SH3TC2: variants seen among roughly 807,000 people sequenced by gnomAD.
The protein encoded by SH3TC2 is SH3 domain and tetratricopeptide repeat-containing protein 2.
A neutral mutation model predicts 124.5 loss-of-function variants in SH3TC2; 87 were observed. The observed-to-expected ratio is 0.70, with a 90% CI of 0.59 to 0.84. The LOEUF is 0.84. Among genes scored for constraint, SH3TC2 ranks in the 40% least tolerant of loss-of-function variants. The probability of loss-of-function intolerance (pLI) is 0.00; values close to 1 mark genes in which losing one functional copy is unlikely to be tolerated. For synonymous variants in SH3TC2, 634 were observed against 628.5 expected (o/e 1.01, Z -0.13); for missense variants, 1,536 against 1,566.4 (o/e 0.98, Z 0.33).
chr5:149,012,762 GTGAAGGCTCAAAGGGGC>G, intron 12 of SH3TC2, 28 bp from the exon 13 acceptor site: 1 of 1,613,832 alleles, frequency 6.2e-7, no homozygotes, highest in Non-Finnish European at 8.5e-7. Flanking sequence ...CTTGTGAGGT[GTGAAGGCTCAAAGGGGC>G]CTTAGGGTCC....
chr5:149,044,845 G>A (rs530116422), intron 3 of SH3TC2: 4 of 529,342 alleles, frequency 7.6e-6, no homozygotes, highest in Non-Finnish European at 1.4e-5. Flanking sequence ...ATTGTATTAT[G>A]CAGCCACAGA....
chr5:149,027,693 T>C lies in SH3TC2; in HGVS notation c.2039A>G (p.Tyr680Cys), dbSNP rs763952745. ...AAGGTGTGGAAGATATTTCTTGTCATACAGAAAACTCAAAACACTGGCCAC... is the reference window on the plus strand; with the variant it reads ...AAGGTGTGGAAGATATTTCTTGTCACACAGAAAACTCAAAACACTGGCCAC... ...EAVASVLSFL[Y>C]DKKYLPHLAV... The change falls in exon 11 of 17, where the codon TAT (tyrosine) becomes TGT (cysteine). Residue 680 changes from tyrosine to cysteine, a missense_variant. By Grantham distance (194) the Tyr-to-Cys change is radical. Transcript: ENST00000515425. 12 of 1,614,108 alleles carry C rather than the reference T, an allele frequency of 7.4e-6. No individual in the cohort carries two copies. Among genetic ancestry groups the C allele is most frequent in the South Asian group, 1.1e-5 (1 of 91,082 alleles).
chr5:149,040,515 A>T (rs1754351233), intron 7 of SH3TC2, 89 bp downstream of exon 7: 2 of 1,236,674 alleles, frequency 1.6e-6, no homozygotes, highest in East Asian at 4.6e-5. Context: ...ACAAAAATTC[A>T]CATCAACTGA....
chr5:148,996,271 AAGAGAG>A lies in SH3TC2; in HGVS notation c.*8434_*8439del, dbSNP rs146811206. ...TGAGACCCTGCCTAAATAAGAGAGAAAGAGAGAGAGAGAGAGAAACAGACAGATGGA... is the reference window on the plus strand; with the variant it reads ...TGAGACCCTGCCTAAATAAGAGAGAAAGAGAGAGAGAAACAGACAGATGGA... On this transcript the variant is annotated 3_prime_UTR_variant, in exon 17 of 17. Transcript: ENST00000515425. 2.7e-5 allele frequency among the ~76,000 whole-genome samples: 4 copies of A among 148,556 alleles called. No individual in the cohort carries two copies. Among genetic ancestry groups the A allele is most frequent in the Non-Finnish European group, 4.4e-5 (3 of 67,556 alleles).
Position 149,027,622 on chromosome 5 carries a change from T to A in SH3TC2, c.2110A>T (p.Met704Leu). 2 of 1,614,216 alleles carry A rather than the reference T, an allele frequency of 1.2e-6. No homozygotes were observed. Among genetic ancestry groups the A allele is most frequent in the Non-Finnish European group, 1.7e-6 (2 of 1,180,034 alleles). Residue 704 changes from methionine (M) to leucine (L), a missense_variant, in exon 11 of 17, where the codon ATG becomes TTG. Coordinates refer to ENST00000515425, the MANE Select transcript of SH3TC2 (RefSeq NM_024577.4). The stretch of plus-strand genomic sequence containing the variant: ...TGGACCTGCCAAATAGGAAGAGACA[T>A]CCCTTGGGCACTCTGGATACCATGT... ...QQHGIQSAQG[M>L]SLPIWQVHLV...
In SH3TC2 at chr5:149,028,413, C is replaced by T. The variant is rs755748579; in HGVS notation, c.1319G>A (p.Arg440His). The T allele has an allele frequency of 2.8e-5, 45 of 1,613,826 alleles. No homozygotes were observed. Among genetic ancestry groups the T allele is most frequent in the Admixed American group, 6.7e-5 (4 of 59,994 alleles). The stretch of plus-strand genomic sequence containing the variant: ...ATCAAGGTCATCAGGCTCCGGCAGG[C>T]GATAGCTGTCTGAGGTGGCCGAGAG... ...ELLSATSDSY[R>H]LPEPDDLDDP... The change falls in exon 11 of 17, where the codon CGC becomes CAC. Residue 440 changes from arginine (R) to histidine (H), a missense_variant. By Grantham distance (29) the Arg-to-His change is conservative. Coordinates refer to ENST00000515425, the MANE Select transcript of SH3TC2 (RefSeq NM_024577.4).
At chr5:149,029,549 A>C (rs1023997636) in intron 9 of SH3TC2, among the ~76,000 whole-genome samples, 1 of 151,988 alleles carries the variant, frequency 6.6e-6, no homozygotes, top group African/African-American at 2.4e-5. Flanking sequence ...CATCTGGGGG[A>C]AAAGAAAAGC....
intron 13 of SH3TC2, among the ~76,000 whole-genome samples, chr5:149,011,875 A>G (rs1211857608): frequency 1.3e-5 from 2 of 152,246 alleles, no homozygotes; most frequent in East Asian, 1.9e-4. Context: ...ATAAAACACT[A>G]AAATATAATG....
chr5:149,017,123 G>A lies in SH3TC2; in HGVS notation c.3054-4389C>T, dbSNP rs528384551. On this transcript the variant is annotated intron_variant, in intron 12 of 16. Coordinates refer to ENST00000515425, the MANE Select transcript of SH3TC2 (RefSeq NM_024577.4). ...CGATAACTTTAGTGGCTATTTATACGTTTATTTTCTGTACTATTCTGTTAT... is the reference window on the plus strand; with the variant it reads ...CGATAACTTTAGTGGCTATTTATACATTTATTTTCTGTACTATTCTGTTAT... Among the ~76,000 whole-genome samples, 98 of 152,198 alleles carry A rather than the reference G, an allele frequency of 6.4e-4. 2 individuals are homozygous for A. The highest frequency in any genetic ancestry group is 4.1e-3 in the East Asian group (21 of 5,182).
At position 148,992,344 on chromosome 5, in the gene SH3TC2, G is replaced by A. The variant is rs1753432106; in HGVS notation, c.*12367C>T. The stretch of plus-strand genomic sequence containing the variant: ...AAGAAACCAACAATGCATACAAAGG[G>A]TTCCAGATCCTGCTTTTCTGGATGT... On this transcript the variant is annotated 3_prime_UTR_variant, in exon 17 of 17. Transcript: ENST00000515425. Among the ~76,000 whole-genome samples the A allele has an allele frequency of 6.6e-6, 1 of 152,142 alleles. No individual in the cohort carries two copies. Among genetic ancestry groups the A allele is most frequent in the South Asian group, 2.1e-4 (1 of 4,824 alleles).
rs1048482517 is a variant in SH3TC2 at position 148,983,957 on chromosome 5, T to A, written c.*20754A>T. 6.6e-5 allele frequency among the ~76,000 whole-genome samples: 10 copies of A among 152,196 alleles called. No individual in the cohort carries two copies. Among genetic ancestry groups the A allele is most frequent in the Admixed American group, 2.6e-4 (4 of 15,276 alleles). On this transcript the variant is annotated 3_prime_UTR_variant, in exon 17 of 17. Coordinates refer to ENST00000515425, the MANE Select transcript of SH3TC2 (RefSeq NM_024577.4). ...CTGCTCCTGGAACCAGTGTGGTTTT[T>A]AAGTCACTTGAACCAATACATTTTT...
intron 4 of SH3TC2, chr5:149,044,204 C>T (rs1189258549): frequency 3.2e-6 from 1 of 316,702 alleles, no homozygotes; most frequent in African/African-American, 2.2e-5. Flanking sequence ...GTTTAAAACA[C>T]ACACACTAGC....
chr5:149,033,521 G>C (rs1029640125), intron 8 of SH3TC2, among the ~76,000 whole-genome samples: 6 of 152,182 alleles, frequency 3.9e-5, no homozygotes, highest in Non-Finnish European at 7.3e-5. Flanking sequence ...GCTCCTGGTG[G>C]TTTCAGCTGG....
chr5:149,033,560 C>T (rs975674673), intron 8 of SH3TC2, among the ~76,000 whole-genome samples: 1 of 152,180 alleles, frequency 6.6e-6, no homozygotes, highest in Non-Finnish European at 1.5e-5. Flanking sequence ...TGGGGTTGAC[C>T]TTCTAATGCC....
At chr5:149,016,133 A>G (rs1171587932) in intron 12 of SH3TC2, among the ~76,000 whole-genome samples, 1 of 152,092 alleles carries the variant, frequency 6.6e-6, no homozygotes, top group African/African-American at 2.4e-5. Context: ...TACACGCAAA[A>G]TCTCATGTAA....
rs138512171 is a variant in SH3TC2, at chr5:149,000,718, C to G, written c.*3993G>C. Among the ~76,000 whole-genome samples the G allele has an allele frequency of 5.3e-5, 8 of 152,304 alleles. No homozygotes were observed. Among genetic ancestry groups the G allele is most frequent in the Non-Finnish European group, 1.2e-4 (8 of 68,020 alleles). ...AGCAGAAATCCTGTCATTTGTGCAA[C>G]TAAGTCCTTGAGTCATGAGACCCCC... On this transcript the variant is annotated 3_prime_UTR_variant, in exon 17 of 17. Transcript: ENST00000515425.
chr5:149,028,871 C>T (rs1198742957), intron 9 of SH3TC2, among the ~76,000 whole-genome samples, 153 bp from the exon 10 acceptor site: 1 of 152,154 alleles, frequency 6.6e-6, no homozygotes, highest in African/African-American at 2.4e-5. Context: ...TATCCTTTCA[C>T]CCATCATCTT....
At chr5:149,004,999 TG>T in intron 16 of SH3TC2, 97 bp from the exon 17 acceptor site, 5 of 1,288,426 alleles carry the variant, frequency 3.9e-6, no homozygotes, top group South Asian at 1.3e-5. Flanking sequence ...TTTTTTTGTT[TG>T]TTTGTTTGTT....
rs570361048 is a variant in SH3TC2 at position 148,986,741 on chromosome 5, T to C, written c.*17970A>G. Among the ~76,000 whole-genome samples the C allele has an allele frequency of 6.6e-6, 1 of 152,310 alleles. No individual in the cohort carries two copies. The highest frequency in any genetic ancestry group is 1.9e-4 in the East Asian group (1 of 5,180). ...AATAAGCCAAATCAGAGCATAAGAA[T>C]TGCTCAGTCAACCAAATGTGACGAG... On this transcript the variant is annotated 3_prime_UTR_variant, in exon 17 of 17. Transcript: ENST00000515425.
Sources: allele counts gnomAD v4.1 joint callset (sites outside exome capture counted in the v4.1 genomes callset), GRCh38; gene constraint gnomAD v4.1.1; transcripts MANE v1.5; gene names NCBI Gene and HGNC (gene_info 2026-07-23, HGNC 2026-07-21).